Variants in LMNB1 observed in about 807,000 individuals in gnomAD.
LMNB1 encodes the protein lamin B1.
LMNB1 carries 23 observed loss-of-function variants against 67.1 expected under a neutral mutation model. The observed-to-expected ratio is 0.34, with a 90% CI of 0.25 to 0.49. The LOEUF is 0.49. Among genes scored for constraint, LMNB1 ranks in the 20% least tolerant of loss-of-function variants. The pLI is 0.99. For missense variants in LMNB1, 634 were observed against 746.5 expected (o/e 0.85, Z 1.76); for synonymous variants, 281 against 282.9 (o/e 0.99, Z 0.07).
chr5:126,796,786 C>CTTTTTTTTTTTTTT (rs34534973), intron 1 of LMNB1, among the ~76,000 whole-genome samples: 1 of 118,746 alleles, frequency 8.4e-6, no homozygotes, highest in Non-Finnish European at 1.7e-5. Context: ...TTTTTTCTTT[C>CTTTTTTTTTTTTTT]TTTTTTTTTT....
chr5:126,826,676 A>G (rs560567027), intron 9 of LMNB1, among the ~76,000 whole-genome samples: 5 of 152,182 alleles, frequency 3.3e-5, no homozygotes, highest in Non-Finnish European at 7.3e-5. Context: ...GACACTGCAT[A>G]TACCCCTACC....
At chr5:126,814,847 T>A (rs546958172) in intron 5 of LMNB1, among the ~76,000 whole-genome samples, 3 of 152,324 alleles carry the variant, frequency 2.0e-5, no homozygotes, top group African/African-American at 7.2e-5. Context: ...ATGCTGGGAT[T>A]ACAGGTGTAA....
chr5:126,807,876 T>TTTTTC (rs563617524), intron 3 of LMNB1, among the ~76,000 whole-genome samples: 9 of 48,314 alleles, frequency 1.9e-4, no homozygotes, highest in Non-Finnish European at 3.1e-4. Flanking sequence ...TTTTGTTTTT[T>TTTTTC]TTAACTCTTT....
At chr5:126,807,306 G>A (rs1322987179) in intron 3 of LMNB1, among the ~76,000 whole-genome samples, 1 of 152,188 alleles carries the variant, frequency 6.6e-6, no homozygotes, top group Non-Finnish European at 1.5e-5. Context: ...GTGCAAATAG[G>A]AATTCATTGT....
chr5:126,815,565 A>C (rs899260972), intron 5 of LMNB1, among the ~76,000 whole-genome samples: 7 of 152,170 alleles, frequency 4.6e-5, no homozygotes. Flanking sequence ...ACATACTATA[A>C]AATATTTAAA....
At position 126,804,871 on chromosome 5, in the gene LMNB1, C is replaced by T. The variant is rs935132421; in HGVS notation, c.455C>T (p.Ala152Val). The change falls in exon 2 of 11, where the codon GCA (alanine) becomes GTA (valine). Residue 152 changes from alanine (A) to valine (V), a missense_variant. Ala to Val is a moderately conservative substitution (Grantham distance 64, BLOSUM62 0). Transcript: ENST00000261366. ...LNSKDAALAT[A>V]LGDKKSLEGD... ...TCGAAAGATGCAGCTCTTGCTACTG[C>T]ACTTGGTGACAAAAAAAGTTTAGAG... The T allele has an allele frequency of 6.2e-7, 1 of 1,614,062 alleles. No homozygotes were observed. Among genetic ancestry groups the T allele is most frequent in the Non-Finnish European group, 8.5e-7 (1 of 1,179,970 alleles).
intron 4 of LMNB1, among the ~76,000 whole-genome samples, chr5:126,810,987 C>CT (rs893556381): frequency 1.3e-5 from 2 of 152,274 alleles, no homozygotes; most frequent in African/African-American, 4.8e-5. Flanking sequence ...ATTAAAAAGA[C>CT]TTTTTTGTGG....
intron 9 of LMNB1, among the ~76,000 whole-genome samples, chr5:126,827,882 T>C (rs1752034507): frequency 6.6e-6 from 1 of 152,114 alleles, no homozygotes; most frequent in Non-Finnish European, 1.5e-5. Context: ...TTTTGTCTGC[T>C]CCCATAGTGC....
Position 126,820,926 on chromosome 5 carries a change from A to C in LMNB1, c.1177A>C (p.Ser393Arg). The change falls in exon 7 of 11, where the codon AGC (serine) becomes CGC (arginine). Residue 393 changes from serine (S) to arginine (R), a missense_variant. Physicochemically the swap from Ser to Arg is moderately radical, Grantham distance 110 (BLOSUM62 -1). Transcript: ENST00000261366. ...CCCATATAGGTTGAAGCTGTCTCCA[A>C]GCCCTTCTTCCCGTGTGACAGTATC... ...GEEERLKLSP[S>R]PSSRVTVSRA... is the part of the protein sequence containing the mutation. 1 of 1,613,742 alleles carries C rather than the reference A, an allele frequency of 6.2e-7. No individual in the cohort carries two copies. The highest frequency in any genetic ancestry group is 8.5e-7 in the Non-Finnish European group (1 of 1,179,768).
Position 126,781,483 on chromosome 5 carries a change from C to CT in LMNB1, c.359+3626dup, listed in dbSNP as rs35434010. ...GGCATCTAGGGTTGTTAATGTCTTT[C>CT]TTTTTTTTTTGAGACGGAGCTTGGC... On this transcript the variant is annotated intron_variant, in intron 1 of 10. Transcript: ENST00000261366. Among the ~76,000 whole-genome samples, 767 of 148,184 alleles carry CT rather than the reference C, an allele frequency of 5.2e-3. 4 individuals carry two copies. The highest frequency in any genetic ancestry group is 0.017 in the African/African-American group (705 of 40,540).
chr5:126,796,601 A>G (rs1277552684), intron 1 of LMNB1, among the ~76,000 whole-genome samples: 1 of 152,162 alleles, frequency 6.6e-6, no homozygotes, highest in Non-Finnish European at 1.5e-5. Flanking sequence ...CTGGATTTAG[A>G]TTAGTTCTAT....
chr5:126,777,704 G>A lies in LMNB1; in HGVS notation c.196G>A (p.Glu66Lys). The A allele has an allele frequency of 1.3e-6, 2 of 1,545,540 alleles. No individual in the cohort carries two copies. The highest frequency in any genetic ancestry group is 1.7e-6 in the Non-Finnish European group (2 of 1,144,882). Residue 66 changes from glutamate to lysine, a missense_variant, in exon 1 of 11, where the codon GAG becomes AAG. Coordinates refer to ENST00000261366, the MANE Select transcript of LMNB1 (RefSeq NM_005573.4). ...CAGCGCGCTGCAGCTGCAGGTGACG[G>A]AGCGCGAGGAGGTGCGCGGCCGTGA... ...ENSALQLQVTEREEVRGRELT... is the reference protein window; with the variant it reads ...ENSALQLQVTKREEVRGRELT...
rs1187381657 is a variant in LMNB1, at chr5:126,777,889, C to T, written c.359+22C>T. The stretch of plus-strand genomic sequence containing the variant: ...TCAAGTGAGTGCTAGCTGGCGGCCG[C>T]GTTAGCGCCAAGGAGGGGCGGGGGC... On this transcript the variant is annotated intron_variant, in intron 1 of 10. Coordinates refer to ENST00000261366, the MANE Select transcript of LMNB1 (RefSeq NM_005573.4). The T allele has an allele frequency of 3.6e-6, 5 of 1,379,556 alleles. No homozygotes were observed. The Admixed American group carries it at 9.9e-5, about 27-fold the overall frequency. 85.5% of individuals were successfully genotyped at this position (1,379,556 alleles called of 1,614,324 possible). A position where few individuals can be genotyped will look rare whatever the true frequency, so the allele number is the denominator to read the frequency against.
In LMNB1 at chr5:126,821,044, T is replaced by A. The variant is rs764918120; in HGVS notation, c.1295T>A (p.Ile432Asn). 1 of 1,614,012 alleles carries A rather than the reference T, an allele frequency of 6.2e-7. No individual in the cohort carries two copies. The highest frequency in any genetic ancestry group is 8.5e-7 in the Non-Finnish European group (1 of 1,179,938). ...TCAGAGGCGAGTAGTAGTGTTAGCA[T>A]CTCTCATTCCGCCTCAGCCACTGGA... is the stretch of plus-strand genomic sequence containing the variant. ...EESEASSSVSISHSASATGNV... is the reference protein window; with the variant it reads ...EESEASSSVSNSHSASATGNV... The change falls in exon 7 of 11, where the codon ATC becomes AAC. Residue 432 changes from isoleucine (I) to asparagine (N), a missense_variant. Coordinates refer to ENST00000261366, the MANE Select transcript of LMNB1 (RefSeq NM_005573.4).
At chr5:126,786,856 G>C (rs766077851) in intron 1 of LMNB1, among the ~76,000 whole-genome samples, 10 of 152,164 alleles carry the variant, frequency 6.6e-5, no homozygotes, top group Non-Finnish European at 1.2e-4. Context: ...GGCTTCATTT[G>C]CTAAAGAAAG....
intron 1 of LMNB1, among the ~76,000 whole-genome samples, chr5:126,800,982 A>ATATATATATATATATATAATTTTTTTTT: frequency 5.4e-5 from 1 of 18,632 alleles, no homozygotes; most frequent in African/African-American, 1.7e-4. Context: ...TATATATATA[A>ATATATATATATATATATAATTTTTTTTT]TTTTTTTTTT....
At chr5:126,778,614 CG>C (rs1381466098) in intron 1 of LMNB1, among the ~76,000 whole-genome samples, 1 of 152,144 alleles carries the variant, frequency 6.6e-6, no homozygotes, top group Non-Finnish European at 1.5e-5. Context: ...TGCGGTCCCT[CG>C]GGTGGTTCTG....
intron 6 of LMNB1, 101 bp downstream of exon 6, chr5:126,819,243 T>G (rs1580550058): frequency 1.3e-6 from 1 of 767,076 alleles, no homozygotes; most frequent in Non-Finnish European, 2.1e-6. Context: ...AACTTTATTT[T>G]CTTGGTCATT....
chr5:126,802,792 T>C (rs1751317422), intron 1 of LMNB1, among the ~76,000 whole-genome samples: 1 of 152,190 alleles, frequency 6.6e-6, no homozygotes, highest in African/African-American at 2.4e-5. Flanking sequence ...TAATAATTAT[T>C]TGGATGAGAG....
Sources: allele counts gnomAD v4.1 joint callset (sites outside exome capture counted in the v4.1 genomes callset), GRCh38; gene constraint gnomAD v4.1.1; transcripts MANE v1.5; gene names NCBI Gene and HGNC (gene_info 2026-07-23, HGNC 2026-07-21).